The following CAP2 variants were observed in gnomAD, a reference collection of about 807,000 sequenced individuals.
CAP2 encodes adenylyl cyclase-associated protein 2.
In CAP2, 24 loss-of-function variants were observed where a neutral mutation model predicts 57.7. The observed-to-expected ratio is 0.42, with a 90% CI of 0.30 to 0.58. The LOEUF (loss-of-function observed/expected upper bound fraction) is 0.58, where lower values mean the gene tolerates loss of function less well. Ranked by LOEUF, CAP2 falls within the 20% of genes least tolerant of loss-of-function variation. CAP2 has a pLI of 0.22. For synonymous variants in CAP2, 194 were observed against 207.2 expected, an observed-to-expected ratio of 0.94 and a Z score of 0.55; for missense variants, 501 against 590.3, an observed-to-expected ratio of 0.85 and a Z score of 1.57.
chr6:17,498,436 T>C (rs534808669), intron 4 of CAP2, among the ~76,000 whole-genome samples: 1 of 152,298 alleles, frequency 6.6e-6, no homozygotes, highest in Admixed American at 6.5e-5. Flanking sequence ...AGAAAAGACA[T>C]TGTATTAAAA....
chr6:17,444,992 C>T (rs1225124240), intron 3 of CAP2, among the ~76,000 whole-genome samples: 1 of 152,170 alleles, frequency 6.6e-6, no homozygotes, highest in African/African-American at 2.4e-5. Flanking sequence ...GACTAAGATA[C>T]ATAAGTAACC....
At chr6:17,428,556 T>C (rs1759646779) in intron 3 of CAP2, among the ~76,000 whole-genome samples, 1 of 143,286 alleles carries the variant, frequency 7.0e-6, no homozygotes, top group African/African-American at 2.6e-5. Context: ...TTCTCACTCA[T>C]AGGTGGGAAT....
intron 4 of CAP2, among the ~76,000 whole-genome samples, chr6:17,506,754 A>T (rs1300816515): frequency 6.6e-6 from 1 of 152,188 alleles, no homozygotes. Flanking sequence ...CCACAGGAAT[A>T]GGATGAAGTC....
At chr6:17,428,333 A>G (rs1759641702) in intron 3 of CAP2, among the ~76,000 whole-genome samples, 1 of 152,140 alleles carries the variant, frequency 6.6e-6, no homozygotes, top group Non-Finnish European at 1.5e-5. Context: ...TGAAAATCGA[A>G]TGTGATAGCC....
chr6:17,526,309 C>A (rs1043985173), intron 7 of CAP2, among the ~76,000 whole-genome samples: 1 of 151,654 alleles, frequency 6.6e-6, no homozygotes, highest in Admixed American at 6.6e-5. Flanking sequence ...GTAGAGACAG[C>A]GTTTCACCAT....
At chr6:17,440,929 T>C (rs866289153) in intron 3 of CAP2, among the ~76,000 whole-genome samples, 7 of 151,478 alleles carry the variant, frequency 4.6e-5, no homozygotes, top group Middle Eastern at 3.4e-3. Context: ...TGTTTAGTTT[T>C]CTGTCCTTGC....
At chr6:17,514,535 AG>A (rs747911342) in intron 7 of CAP2, among the ~76,000 whole-genome samples, 9 of 151,696 alleles carry the variant, frequency 5.9e-5, no homozygotes, top group Non-Finnish European at 8.8e-5. Context: ...AGATCACCTG[AG>A]GTCAGGAGTT....
intron 2 of CAP2, 117 bp from the exon 3 acceptor site, chr6:17,426,473 G>T (rs1759593766): frequency 5.6e-6 from 4 of 714,404 alleles, no homozygotes; most frequent in Non-Finnish European, 7.7e-6. Flanking sequence ...GACCTCAGGT[G>T]ATCTGCCTGC....
intron 4 of CAP2, among the ~76,000 whole-genome samples, chr6:17,496,979 G>A (rs1761685823): frequency 1.3e-5 from 2 of 152,192 alleles, no homozygotes; most frequent in African/African-American, 4.8e-5. Context: ...GGTGGATTTG[G>A]TAGTTTAAAC....
chr6:17,499,159 G>C (rs914041607), intron 4 of CAP2, among the ~76,000 whole-genome samples: 1 of 151,138 alleles, frequency 6.6e-6, no homozygotes, highest in Non-Finnish European at 1.5e-5. Flanking sequence ...AGCAATTTTA[G>C]AGGCTGAACC....
In CAP2 at chr6:17,539,416, G is replaced by C. The variant is rs754193711; in HGVS notation, c.784G>C (p.Ala262Pro). 26 of 1,614,064 alleles carry C rather than the reference G, an allele frequency of 1.6e-5. No homozygotes were observed. Among genetic ancestry groups the C allele is most frequent in the Non-Finnish European group, 1.9e-5 (22 of 1,180,034 alleles). ...AGAGGAATCTTCTCCTTCACGCTCAGCTTTATTTGCCCAACTTAACCAGGG... is the reference window on the plus strand; with the variant it reads ...AGAGGAATCTTCTCCTTCACGCTCACCTTTATTTGCCCAACTTAACCAGGG... ...KKEESSPSRSALFAQLNQGEA... is the reference protein window; with the variant it reads ...KKEESSPSRSPLFAQLNQGEA... Residue 262 changes from alanine (A) to proline (P), a missense_variant, in exon 8 of 13, where the codon GCT (alanine) becomes CCT (proline). By Grantham distance (27) the Ala-to-Pro change is conservative. Coordinates refer to ENST00000229922, the MANE Select transcript of CAP2 (RefSeq NM_006366.3).
intron 4 of CAP2, among the ~76,000 whole-genome samples, chr6:17,470,952 CTA>C (rs1463559092): frequency 6.6e-6 from 1 of 152,170 alleles, no homozygotes; most frequent in African/African-American, 2.4e-5. Flanking sequence ...ATAGATGTAT[CTA>C]TGTATGTATG....
In CAP2 at chr6:17,507,635, T is replaced by G; in HGVS notation, c.445-6T>G. Reference sequence around the variant, plus strand: ...CTATGCTTGGGTGACGGTCCTGTTTTCTCAGTCTCCCAAACCTGGTCCTTA... The same window carrying G: ...CTATGCTTGGGTGACGGTCCTGTTTGCTCAGTCTCCCAAACCTGGTCCTTA... On this transcript the variant is annotated splice_polypyrimidine_tract_variant and splice_region_variant and intron_variant, in intron 5 of 12. Coordinates refer to ENST00000229922, the MANE Select transcript of CAP2 (RefSeq NM_006366.3). 1 of 1,568,154 alleles carries G rather than the reference T, an allele frequency of 6.4e-7. No individual in the cohort carries two copies.
chr6:17,517,272 C>T (rs576266346), intron 7 of CAP2, among the ~76,000 whole-genome samples: 2 of 152,148 alleles, frequency 1.3e-5, no homozygotes, highest in Non-Finnish European at 2.9e-5. Flanking sequence ...CAAATGCTAG[C>T]CTGTTAATTC....
At chr6:17,522,397 T>C (rs988888537) in intron 7 of CAP2, among the ~76,000 whole-genome samples, 1 of 152,208 alleles carries the variant, frequency 6.6e-6, no homozygotes, top group Non-Finnish European at 1.5e-5. Flanking sequence ...TATACTACAG[T>C]TCTTCCGTGA....
At chr6:17,480,952 ATTTTTTTTTTTT>A (rs59581120) in intron 4 of CAP2, among the ~76,000 whole-genome samples, 1 of 70,728 alleles carries the variant, frequency 1.4e-5, no homozygotes, top group Non-Finnish European at 2.6e-5. Context: ...CTAATTTTGT[ATTTTTTTTTTTT>A]TTTTTTTTTT....
At chr6:17,526,120 C>CT (rs1372740605) in intron 7 of CAP2, among the ~76,000 whole-genome samples, 274 of 142,166 alleles carry the variant, frequency 1.9e-3, no homozygotes, top group Admixed American at 2.1e-3. Context: ...GAAAATGTGT[C>CT]TTTTTTTTTT....
intron 3 of CAP2, among the ~76,000 whole-genome samples, chr6:17,455,213 A>G (rs1760526638): frequency 1.3e-5 from 2 of 152,128 alleles, no homozygotes; most frequent in Admixed American, 6.5e-5. Context: ...CTCAAGCATG[A>G]GCACTAAGAG....
chr6:17,535,462 A>G (rs915219534), intron 7 of CAP2, among the ~76,000 whole-genome samples: 6 of 151,854 alleles, frequency 4.0e-5, no homozygotes, highest in Non-Finnish European at 7.4e-5. Flanking sequence ...TTTGGTAGAG[A>G]CGGGGTTTCG....
Sources: gnomAD v4.1 joint callset for allele counts (sites outside exome capture counted in the v4.1 genomes callset) on GRCh38, gnomAD v4.1.1 for gene constraint, MANE v1.5 for transcripts, NCBI Gene and HGNC (gene_info 2026-07-23, HGNC 2026-07-21) for gene names.